The following HS6ST3 variants were observed in gnomAD, a reference collection of about 807,000 sequenced individuals.
The protein encoded by HS6ST3 is heparan sulfate 6-O-sulfotransferase 3, also known as heparan-sulfate 6-O-sulfotransferase 3.
A neutral mutation model predicts 36.7 loss-of-function variants in HS6ST3; 12 were observed. The observed-to-expected ratio is 0.33, with a 90% confidence interval of 0.21 to 0.53. HS6ST3 has a LOEUF of 0.53. Ranked by LOEUF, HS6ST3 falls within the 20% of genes least tolerant of loss-of-function variation. The probability of loss-of-function intolerance (pLI) is 0.95; values close to 1 mark genes in which losing one functional copy is unlikely to be tolerated. For synonymous variants in HS6ST3, 240 were observed against 257.5 expected (o/e 0.93, Z 0.65); for missense variants, 584 against 640.9 (o/e 0.91, Z 0.96).
intron 1 of HS6ST3, among the ~76,000 whole-genome samples, chr13:96,396,254 C>T (rs768653202): frequency 3.0e-4 from 46 of 152,028 alleles, no homozygotes; most frequent in Non-Finnish European, 6.3e-4. Context: ...GCAGAGATTA[C>T]AGTGACCCGA....
At chr13:96,697,523 C>G (rs1875161388) in intron 1 of HS6ST3, among the ~76,000 whole-genome samples, 1 of 151,984 alleles carries the variant, frequency 6.6e-6, no homozygotes. Context: ...TAAGAAAACA[C>G]CTATAAACAC....
At chr13:96,327,315 C>G (rs940277887) in intron 1 of HS6ST3, among the ~76,000 whole-genome samples, 3 of 151,900 alleles carry the variant, frequency 2.0e-5, no homozygotes, top group African/African-American at 7.3e-5. Flanking sequence ...GGTTTTAGGA[C>G]TAACGTTTAA....
At chr13:96,801,076 T>C (rs1204297885) in intron 1 of HS6ST3, among the ~76,000 whole-genome samples, 1 of 152,138 alleles carries the variant, frequency 6.6e-6, no homozygotes, top group Non-Finnish European at 1.5e-5. Context: ...TTTGGTCTTT[T>C]AGCAGCATTT....
intron 1 of HS6ST3, among the ~76,000 whole-genome samples, chr13:96,382,000 A>T (rs952102069): frequency 6.6e-6 from 1 of 152,156 alleles, no homozygotes; most frequent in East Asian, 1.9e-4. Context: ...CAGGCTTGGT[A>T]GTATCAAGAA....
At chr13:96,617,837 T>A (rs1362053637) in intron 1 of HS6ST3, among the ~76,000 whole-genome samples, 1 of 152,178 alleles carries the variant, frequency 6.6e-6, no homozygotes, top group Non-Finnish European at 1.5e-5. Flanking sequence ...CTCCAGGTGA[T>A]CCTAAGCACA....
At chr13:96,476,386 G>A (rs2055863983) in intron 1 of HS6ST3, among the ~76,000 whole-genome samples, 1 of 152,022 alleles carries the variant, frequency 6.6e-6, no homozygotes, top group Admixed American at 6.6e-5. Context: ...CTTTTGAGAT[G>A]GAGTCTTCCT....
intron 1 of HS6ST3, among the ~76,000 whole-genome samples, chr13:96,707,376 G>T (rs1164553468): frequency 1.3e-5 from 2 of 152,194 alleles, no homozygotes; most frequent in African/African-American, 4.8e-5. Flanking sequence ...CTAACTATGA[G>T]AAATAAATGT....
intron 1 of HS6ST3, among the ~76,000 whole-genome samples, chr13:96,565,427 C>G (rs1005181129): frequency 6.6e-6 from 1 of 152,066 alleles, no homozygotes; most frequent in Non-Finnish European, 1.5e-5. Flanking sequence ...AGTGCCTTTC[C>G]TCAGCCATAG....
intron 1 of HS6ST3, among the ~76,000 whole-genome samples, chr13:96,304,662 G>C: frequency 8.2e-6 from 1 of 122,626 alleles, no homozygotes; most frequent in South Asian, 2.8e-4. Flanking sequence ...AACTACATGA[G>C]AATCACTGTT....
chr13:96,272,400 C>T (rs2054725685), intron 1 of HS6ST3, among the ~76,000 whole-genome samples: 1 of 151,788 alleles, frequency 6.6e-6, no homozygotes, highest in Non-Finnish European at 1.5e-5. Context: ...GTGCTAGAGC[C>T]CCATTTTTTG....
At chr13:96,423,529 A>G (rs1287483354) in intron 1 of HS6ST3, among the ~76,000 whole-genome samples, 3 of 151,664 alleles carry the variant, frequency 2.0e-5, no homozygotes, top group Non-Finnish European at 2.9e-5. Flanking sequence ...AAGACCTCTG[A>G]AGAGGTGACA....
At chr13:96,137,039 A>C (rs906349441) in intron 1 of HS6ST3, among the ~76,000 whole-genome samples, 4 of 152,132 alleles carry the variant, frequency 2.6e-5, no homozygotes, top group African/African-American at 9.7e-5. Flanking sequence ...ATGAAATATA[A>C]CTAATATATG....
intron 1 of HS6ST3, among the ~76,000 whole-genome samples, chr13:96,130,430 G>A (rs2053970173): frequency 6.6e-6 from 1 of 152,110 alleles, no homozygotes; most frequent in South Asian, 2.1e-4. Flanking sequence ...GCAGGGATCA[G>A]GATTTGTTAT....
At chr13:96,488,229 T>C (rs2055925492) in intron 1 of HS6ST3, among the ~76,000 whole-genome samples, 1 of 152,018 alleles carries the variant, frequency 6.6e-6, no homozygotes, top group Non-Finnish European at 1.5e-5. Flanking sequence ...GAAAGGGCAA[T>C]TTTGCTATTT....
At chr13:96,364,219 T>A (rs142221103) in intron 1 of HS6ST3, among the ~76,000 whole-genome samples, 2 of 152,148 alleles carry the variant, frequency 1.3e-5, no homozygotes, top group Non-Finnish European at 2.9e-5. Context: ...GAAAACAGTT[T>A]GATGATGCCT....
chr13:96,416,390 G>C (rs2055533016), intron 1 of HS6ST3, among the ~76,000 whole-genome samples: 1 of 152,152 alleles, frequency 6.6e-6, no homozygotes, highest in South Asian at 2.1e-4. Context: ...CTAATACTAA[G>C]AGTCATACCT....
intron 1 of HS6ST3, among the ~76,000 whole-genome samples, chr13:96,144,311 A>T (rs2054045922): frequency 6.6e-6 from 1 of 152,178 alleles, no homozygotes; most frequent in Admixed American, 6.5e-5. Context: ...AGTATACTGT[A>T]AAAAATAGTT....
At chr13:96,553,348 G>A (rs2056226860) in intron 1 of HS6ST3, among the ~76,000 whole-genome samples, 2 of 152,174 alleles carry the variant, frequency 1.3e-5, no homozygotes, top group Admixed American at 6.5e-5. Flanking sequence ...TCAAGGTGTG[G>A]ACACTATGGT....
chr13:96,544,018 C>T (rs2056188099), intron 1 of HS6ST3, among the ~76,000 whole-genome samples: 1 of 151,678 alleles, frequency 6.6e-6, no homozygotes, highest in Non-Finnish European at 1.5e-5. Context: ...GGAGATCAGG[C>T]ATAACTTGAC....
Sources: gnomAD v4.1 joint callset for allele counts (sites outside exome capture counted in the v4.1 genomes callset) on GRCh38, gnomAD v4.1.1 for gene constraint, MANE v1.5 for transcripts, NCBI Gene and HGNC (gene_info 2026-07-23, HGNC 2026-07-21) for gene names.